The following NSD3 variants were observed in gnomAD, a reference collection of about 807,000 sequenced individuals.
NSD3 encodes histone-lysine N-methyltransferase NSD3.
A neutral mutation model predicts 160.8 loss-of-function variants in NSD3; 24 were observed. The ratio of observed to expected loss-of-function variants is 0.15; its 90% CI spans 0.11 to 0.21. The LOEUF (loss-of-function observed/expected upper bound fraction) is 0.21. Among genes scored for constraint, NSD3 ranks in the 10% least tolerant of loss-of-function variants. NSD3 has a pLI of 1.00. For synonymous variants in NSD3, 520 were observed against 600.0 expected (o/e 0.87, Z 1.95); for missense variants, 1,157 against 1,735.9 (o/e 0.67, Z 5.93).
In NSD3 at chr8:38,288,548, G is replaced by C; in HGVS notation, c.3440C>G (p.Ala1147Gly). 6.2e-7 allele frequency: 1 copy of C among 1,614,172 alleles called. No individual in the cohort carries two copies. The highest frequency in any genetic ancestry group is 8.5e-7 in the Non-Finnish European group (1 of 1,180,036). ...QCFTKRLYPDAEIIKTERRGW... is the reference protein window; with the variant it reads ...QCFTKRLYPDGEIIKTERRGW... ...TCTCCGCTCCGTTTTGATGATCTCT[G>C]CATCAGGGTATAGTCTCTTTGTAAA... is the stretch of plus-strand genomic sequence containing the variant. Residue 1147 changes from alanine (A) to glycine (G), a missense_variant, in exon 19 of 24, where the codon GCA (alanine) becomes GGA (glycine). Ala to Gly is a moderately conservative substitution (Grantham distance 60). Around this residue, in one of 10 missense-constraint regions of NSD3, gnomAD observed 222 missense variants for 409.9 expected, o/e 0.54. Coordinates refer to ENST00000317025, the MANE Select transcript of NSD3 (RefSeq NM_023034.2). The surrounding 1 kb of genome is among the most constrained non-coding windows in gnomAD (Gnocchi z 4.5).
intron 22 of NSD3, among the ~76,000 whole-genome samples, chr8:38,278,095 T>C (rs369819300): frequency 1.4e-4 from 21 of 152,144 alleles, no homozygotes; most frequent in East Asian, 7.7e-4. Flanking sequence ...CCCATCACCA[T>C]GCCCAGCTAA....
In NSD3 at chr8:38,321,736, A is replaced by T. The variant is rs945891062; in HGVS notation, c.1709-564T>A. Among the ~76,000 whole-genome samples, 3 of 152,202 alleles carry T rather than the reference A, an allele frequency of 2.0e-5. No homozygotes were observed. Among genetic ancestry groups the T allele is most frequent in the Non-Finnish European group, 4.4e-5 (3 of 68,022 alleles). The stretch of plus-strand genomic sequence containing the variant: ...AAGGCAAAAAATGTGACCAAAACCT[A>T]ATCATTAATTTGACTATCAAGGGAT... On this transcript the variant is annotated intron_variant, in intron 7 of 23. Transcript: ENST00000317025. This position sits in a 1 kb window ranked among gnomAD's most constrained non-coding sequence, Gnocchi z 4.7.
intron 22 of NSD3, chr8:38,276,727 C>T: frequency 3.8e-6 from 2 of 532,644 alleles, no homozygotes; most frequent in Non-Finnish European, 3.3e-6. Context: ...CTCTGTTGTC[C>T]AGGCTGAAGT....
At chr8:38,311,505 T>C (rs1809535984) in intron 12 of NSD3, among the ~76,000 whole-genome samples, 1 of 152,104 alleles carries the variant, frequency 6.6e-6, no homozygotes, top group Non-Finnish European at 1.5e-5. Flanking sequence ...TTTGTATTTT[T>C]AGTAGAGATG....
chr8:38,343,732 A>G (rs1299008261), intron 2 of NSD3, among the ~76,000 whole-genome samples: 1 of 152,170 alleles, frequency 6.6e-6, no homozygotes, highest in Non-Finnish European at 1.5e-5. Context: ...CAAATAAAAA[A>G]TGTGTACAAT....
rs1429903594 is a variant in NSD3, at chr8:38,326,868, G to A, written c.1582-12C>T. 6.2e-7 allele frequency: 1 copy of A among 1,611,334 alleles called. No individual in the cohort carries two copies. On this transcript the variant is annotated splice_polypyrimidine_tract_variant and intron_variant, in intron 6 of 23. Coordinates refer to ENST00000317025, the MANE Select transcript of NSD3 (RefSeq NM_023034.2). The stretch of plus-strand genomic sequence containing the variant: ...TTGTTACCAATTCCCTTTAAAATAA[G>A]GCAAAAGAAAAAACAACAAAACAGG...
chr8:38,373,934 CAAAA>C (rs61532119), intron 1 of NSD3, among the ~76,000 whole-genome samples: 14 of 25,144 alleles, frequency 5.6e-4, no homozygotes, highest in East Asian at 5.5e-3. Context: ...TCTGTCTCTA[CAAAA>C]AAAAAAAAAA....
At position 38,274,223 on chromosome 8, in the gene NSD3, T is replaced by C. The variant is rs1808547643; in HGVS notation, c.*1418A>G. 1 of 152,242 alleles carries C rather than the reference T, an allele frequency of 6.6e-6. No homozygotes were observed. The highest frequency in any genetic ancestry group is 1.5e-5 in the Non-Finnish European group (1 of 68,038). 9.4% of individuals were successfully genotyped at this position (152,242 alleles called of 1,614,324 possible). On this transcript the variant is annotated 3_prime_UTR_variant, in exon 24 of 24. Transcript: ENST00000317025. ...TACAACAATGTCTGACATTACTAAT[T>C]ATTTTCATACAAGGAATACTGGAAT... is the stretch of plus-strand genomic sequence containing the variant.
Position 38,326,733 on chromosome 8 carries a change from T to C in NSD3, c.1705A>G (p.Thr569Ala). The change falls in exon 7 of 24, where the codon ACA becomes GCA. Residue 569 changes from threonine (T) to alanine (A), a missense_variant. Transcript: ENST00000317025. ...TATACTTTTCATTCATACCAACCTG[T>C]AGAACCAGATGTTGCTTCAGGAGAT... Reference protein sequence around the residue: ...VSSPEATSGSTGSVEKKQQRR... With the variant: ...VSSPEATSGSAGSVEKKQQRR... 1.9e-6 allele frequency: 3 copies of C among 1,613,264 alleles called. No homozygotes were observed. Among genetic ancestry groups the C allele is most frequent in the East Asian group, 4.5e-5 (2 of 44,834 alleles).
chr8:38,327,331 C>T (rs1459198627), intron 6 of NSD3, among the ~76,000 whole-genome samples: 1 of 152,044 alleles, frequency 6.6e-6, no homozygotes, highest in East Asian at 1.9e-4. Context: ...GCTGGGATTA[C>T]AGGCGTTAGC....
At position 38,374,390 on chromosome 8, in the gene NSD3, A is replaced by G. The variant is rs1445483954; in HGVS notation, c.-45+7409T>C. Reference sequence around the variant, plus strand: ...AAAAATACTTGTTACTTAATATTTAATTATCTATTAGAATGTGGGTAATAT... The same window carrying G: ...AAAAATACTTGTTACTTAATATTTAGTTATCTATTAGAATGTGGGTAATAT... On this transcript the variant is annotated intron_variant, in intron 1 of 23. Coordinates refer to ENST00000317025, the MANE Select transcript of NSD3 (RefSeq NM_023034.2). Among the ~76,000 whole-genome samples, 4 of 152,210 alleles carry G rather than the reference A, an allele frequency of 2.6e-5. No individual in the cohort carries two copies. In the East Asian group the frequency reaches 7.7e-4, roughly 29 times the overall value.
intron 14 of NSD3, among the ~76,000 whole-genome samples, chr8:38,301,887 C>T (rs1049627083): frequency 1.3e-5 from 2 of 152,232 alleles, no homozygotes; most frequent in South Asian, 2.1e-4. Context: ...AAGAAAACTC[C>T]AGCCTACATT....
intron 12 of NSD3, among the ~76,000 whole-genome samples, chr8:38,307,741 C>A (rs1264140210): frequency 1.3e-5 from 2 of 152,140 alleles, no homozygotes; most frequent in Admixed American, 1.3e-4. Context: ...ACACGTCAAA[C>A]TGACAATGGT....
At chr8:38,330,769 A>G (rs773890708) in intron 5 of NSD3, among the ~76,000 whole-genome samples, 2 of 152,244 alleles carry the variant, frequency 1.3e-5, no homozygotes, top group African/African-American at 4.8e-5. Flanking sequence ...AATTTAGTTG[A>G]GTTTAAACTC....
chr8:38,321,219 C>T lies in NSD3; in HGVS notation c.1709-47G>A. On this transcript the variant is annotated intron_variant, in intron 7 of 23. Transcript: ENST00000317025. This position sits in a 1 kb window ranked among gnomAD's most constrained non-coding sequence, Gnocchi z 4.7. ...CAAACAAAAACTCACTTAAGGATAC[C>T]TTGACATCTATGTAATTAAGATATG... 7 of 1,494,882 alleles carry T rather than the reference C, an allele frequency of 4.7e-6. No individual in the cohort carries two copies. Among genetic ancestry groups the T allele is most frequent in the Non-Finnish European group, 6.4e-6 (7 of 1,089,838 alleles). The allele number at this position is 1,494,882 out of a possible 1,614,324, so 92.6% of individuals were successfully genotyped here. A position where few individuals can be genotyped will look rare whatever the true frequency, so the allele number is the denominator to read the frequency against.
intron 1 of NSD3, among the ~76,000 whole-genome samples, chr8:38,352,195 G>A (rs1249365106): frequency 6.6e-6 from 1 of 152,112 alleles, no homozygotes; most frequent in Non-Finnish European, 1.5e-5. Context: ...ACAGCAAATG[G>A]AAGAGGGAAA....
At chr8:38,315,608 T>C in intron 10 of NSD3, 64 bp from the exon 11 acceptor site, 1 of 1,589,922 alleles carries the variant, frequency 6.3e-7, no homozygotes, top group Non-Finnish European at 8.5e-7. Flanking sequence ...GATAAGATGC[T>C]ATGAAAATCC....
At chr8:38,353,874 T>C (rs1746716592) in intron 1 of NSD3, among the ~76,000 whole-genome samples, 1 of 152,182 alleles carries the variant, frequency 6.6e-6, no homozygotes, top group South Asian at 2.1e-4. Flanking sequence ...GTGATAAAGC[T>C]TGAAAAATAA....
intron 1 of NSD3, among the ~76,000 whole-genome samples, chr8:38,358,570 T>C (rs1441325468): frequency 6.6e-6 from 1 of 152,152 alleles, no homozygotes; most frequent in Non-Finnish European, 1.5e-5. Context: ...TTTTTTAAGA[T>C]ACATAATGTT....
Sources: gnomAD v4.1 joint callset for allele counts (sites outside exome capture counted in the v4.1 genomes callset) on GRCh38, gnomAD v4.1.1 for gene constraint, gnomAD v4.1.1 regional missense constraint, Gnocchi (gnomAD v3.1) non-coding constraint, MANE v1.5 for transcripts, NCBI Gene and HGNC (gene_info 2026-07-23, HGNC 2026-07-21) for gene names.